The following CDH13 variants were observed in gnomAD, a reference collection of about 807,000 sequenced individuals.
The protein encoded by CDH13 is cadherin-13.
Under a neutral mutation model 63.8 loss-of-function variants are expected in CDH13, and 24 were observed. The observed-to-expected ratio is 0.38, with a 90% CI of 0.27 to 0.53. The LOEUF is 0.53. Ranked by LOEUF, CDH13 falls within the 20% of genes least tolerant of loss-of-function variation. CDH13 has a pLI of 0.85. For synonymous variants in CDH13, 503 were observed against 355.3 expected (o/e 1.42, Z -4.67); for missense variants, 1,049 against 903.1 (o/e 1.16, Z -2.07).
chr16:82,783,469 C>T (rs974806239), intron 1 of CDH13, among the ~76,000 whole-genome samples: 6 of 152,236 alleles, frequency 3.9e-5, no homozygotes, highest in African/African-American at 1.4e-4. Flanking sequence ...AGAGATTGGG[C>T]TGCAAGGACA....
chr16:83,094,741 C>T (rs980990633), intron 3 of CDH13, among the ~76,000 whole-genome samples: 1 of 152,194 alleles, frequency 6.6e-6, no homozygotes, highest in South Asian at 2.1e-4. Flanking sequence ...TAACAACTGT[C>T]TTCCCCTGAA....
chr16:83,444,576 A>G (rs887566223), intron 6 of CDH13, among the ~76,000 whole-genome samples: 8 of 152,162 alleles, frequency 5.3e-5, no homozygotes, highest in African/African-American at 1.7e-4. Context: ...CACCAGAACC[A>G]TGTCCTCTCT....
rs528804529 is a variant in CDH13 at position 83,110,608 on chromosome 16, A to G, written c.367-14777A>G. On this transcript the variant is annotated intron_variant, in intron 3 of 13. Coordinates refer to ENST00000567109, the MANE Select transcript of CDH13 (RefSeq NM_001257.5). ...TGTACATACTTACTGTCTATACATTACTCACTCATGTATAGGCAGTGGTGA... is the reference window on the plus strand; with the variant it reads ...TGTACATACTTACTGTCTATACATTGCTCACTCATGTATAGGCAGTGGTGA... Among the ~76,000 whole-genome samples, 3 of 152,206 alleles carry G rather than the reference A, an allele frequency of 2.0e-5. No homozygotes were observed. The South Asian group carries it at 6.2e-4, about 32-fold the overall frequency.
chr16:82,767,788 T>A (rs1048123324), intron 1 of CDH13, among the ~76,000 whole-genome samples: 9 of 152,200 alleles, frequency 5.9e-5, no homozygotes, highest in African/African-American at 2.2e-4. Context: ...ACTGTTGATG[T>A]TGTCATCAGT....
At chr16:83,267,622 G>A (rs1165640347) in intron 5 of CDH13, among the ~76,000 whole-genome samples, 3 of 152,066 alleles carry the variant, frequency 2.0e-5, no homozygotes, top group Admixed American at 6.5e-5. Context: ...GTGGGCTCCC[G>A]GTAAAAGGAT....
At chr16:82,786,750 C>G (rs536210342) in intron 1 of CDH13, among the ~76,000 whole-genome samples, 5 of 149,922 alleles carry the variant, frequency 3.3e-5, no homozygotes, top group East Asian at 3.9e-4. Flanking sequence ...TGAGAACATG[C>G]GGTGTTTGGT....
intron 2 of CDH13, among the ~76,000 whole-genome samples, chr16:82,876,545 A>G (rs899184034): frequency 6.6e-6 from 1 of 152,262 alleles, no homozygotes; most frequent in African/African-American, 2.4e-5. Flanking sequence ...TGGAACAGGT[A>G]TAACATTACT....
chr16:83,067,106 G>C (rs1038281090), intron 3 of CDH13, among the ~76,000 whole-genome samples: 14 of 152,176 alleles, frequency 9.2e-5, no homozygotes, highest in Non-Finnish European at 1.8e-4. Flanking sequence ...CAATTAGGTA[G>C]TAGAGTTTCA....
At chr16:83,306,293 G>C (rs913514227) in intron 5 of CDH13, among the ~76,000 whole-genome samples, 1 of 152,224 alleles carries the variant, frequency 6.6e-6, no homozygotes, top group Non-Finnish European at 1.5e-5. Flanking sequence ...TGTAGAAATT[G>C]GATCCCCAGT....
intron 3 of CDH13, among the ~76,000 whole-genome samples, chr16:83,123,975 A>C (rs1023616488): frequency 3.9e-5 from 6 of 152,076 alleles, no homozygotes; most frequent in African/African-American, 1.4e-4. Flanking sequence ...AGCATTTTTC[A>C]TATGTCTGTT....
At chr16:82,720,025 A>T (rs1376535187) in intron 1 of CDH13, among the ~76,000 whole-genome samples, 1 of 152,206 alleles carries the variant, frequency 6.6e-6, no homozygotes, top group Non-Finnish European at 1.5e-5. Context: ...TCACAAAAAC[A>T]TTACCAAACT....
intron 8 of CDH13, among the ~76,000 whole-genome samples, chr16:83,632,431 C>G (rs1910867413): frequency 6.6e-6 from 1 of 152,054 alleles, no homozygotes; most frequent in African/African-American, 2.4e-5. Flanking sequence ...CCGTGCATGA[C>G]AAGGTGCTGA....
chr16:82,718,270 A>G (rs2032522990), intron 1 of CDH13, among the ~76,000 whole-genome samples: 1 of 152,182 alleles, frequency 6.6e-6, no homozygotes, highest in Non-Finnish European at 1.5e-5. Context: ...GTATTTATCT[A>G]CCAACTCCCC....
chr16:83,743,528 A>T (rs1912250901), intron 10 of CDH13, among the ~76,000 whole-genome samples: 1 of 152,230 alleles, frequency 6.6e-6, no homozygotes, highest in South Asian at 2.1e-4. Context: ...CAAAAAAGGA[A>T]TGACAGAGGG....
intron 6 of CDH13, among the ~76,000 whole-genome samples, chr16:83,415,560 C>T (rs535595503): frequency 6.6e-6 from 1 of 152,248 alleles, no homozygotes; most frequent in African/African-American, 2.4e-5. Flanking sequence ...AAGAGGATCA[C>T]AGGTCATGAT....
chr16:82,912,850 G>A (rs2041873742), intron 2 of CDH13, among the ~76,000 whole-genome samples: 1 of 152,016 alleles, frequency 6.6e-6, no homozygotes, highest in Admixed American at 6.6e-5. Flanking sequence ...GGCTGAGGCA[G>A]GAGAATGGCG....
intron 6 of CDH13, among the ~76,000 whole-genome samples, chr16:83,470,877 G>T (rs947678701): frequency 6.6e-6 from 1 of 152,076 alleles, no homozygotes; most frequent in African/African-American, 2.4e-5. Context: ...GTCCAAAATC[G>T]GTCTCATTGG....
chr16:82,895,329 T>A (rs2041215261), intron 2 of CDH13, among the ~76,000 whole-genome samples: 1 of 152,186 alleles, frequency 6.6e-6, no homozygotes, highest in South Asian at 2.1e-4. Context: ...CCCTGGCTTG[T>A]TACCCTCCCT....
In CDH13 at chr16:83,451,451, T is replaced by C. The variant is rs568260515; in HGVS notation, c.782-35026T>C. Among the ~76,000 whole-genome samples the C allele has an allele frequency of 3.9e-5, 6 of 152,306 alleles. No homozygotes were observed. The South Asian group carries it at 6.2e-4, about 16-fold the overall frequency. ...AGGTCCCATCCACAACCTGTGGCAA[T>C]TGTGGGAGCTACAATTCAAGATTTG... On this transcript the variant is annotated intron_variant, in intron 6 of 13. Transcript: ENST00000567109.
Sources: gnomAD v4.1 joint callset for allele counts (sites outside exome capture counted in the v4.1 genomes callset) on GRCh38, gnomAD v4.1.1 for gene constraint, MANE v1.5 for transcripts, NCBI Gene and HGNC (gene_info 2026-07-23, HGNC 2026-07-21) for gene names.